Variants in STARD9 observed in about 807,000 individuals in gnomAD.
STARD9 encodes the protein StAR related lipid transfer domain containing 9, also known as stAR-related lipid transfer protein 9.
STARD9 carries 346 observed loss-of-function variants against 399.8 expected under a neutral mutation model. The observed-to-expected ratio is 0.87, with a 90% CI of 0.79 to 0.95. The LOEUF (loss-of-function observed/expected upper bound fraction) is 0.95, where lower values mean the gene tolerates loss of function less well. STARD9 is among the 40% of genes least tolerant of loss of function. The probability of loss-of-function intolerance (pLI) is 0.00; values close to 1 mark genes in which losing one functional copy is unlikely to be tolerated. For missense variants in STARD9, 5,832 were observed against 5,667.5 expected, an observed-to-expected ratio of 1.03 and a Z score of -0.93; for synonymous variants, 2,203 against 2,143.5, an observed-to-expected ratio of 1.03 and a Z score of -0.77.
chr15:42,687,759 A>T lies in STARD9; in HGVS notation c.6181A>T (p.Ile2061Phe). ...GAGTGTAATGCAGCTGGAAAATGGC[A>T]TCTTAGAAATTGAATCTAAGCAGAA... ...IRSVMQLENG[I>F]LEIESKQNKQ... Residue 2061 changes from isoleucine (I) to phenylalanine (F), a missense_variant, in exon 23 of 33, where the codon ATC (isoleucine) becomes TTC (phenylalanine). Around this residue, in one of 2 missense-constraint regions of STARD9, gnomAD observed 5,828 missense variants for 5,651.1 expected, o/e 1.03. Transcript: ENST00000290607. 6.5e-7 allele frequency: 1 copy of T among 1,537,484 alleles called. No individual in the cohort carries two copies. The highest frequency in any genetic ancestry group is 8.7e-7 in the Non-Finnish European group (1 of 1,146,926).
intron 3 of STARD9, among the ~76,000 whole-genome samples, chr15:42,616,488 T>C (rs996576883): frequency 2.6e-5 from 4 of 152,204 alleles, no homozygotes; most frequent in African/African-American, 7.2e-5. Flanking sequence ...TCCTGATAAC[T>C]CTGCCAACAG....
At chr15:42,695,391 G>A (rs535156911) in intron 25 of STARD9, 68 bp downstream of exon 25, 1 of 1,387,908 alleles carries the variant, frequency 7.2e-7, no homozygotes, top group East Asian at 2.5e-5. Context: ...CCTTCACCGT[G>A]GCCGCCTCTG....
intron 1 of STARD9, among the ~76,000 whole-genome samples, chr15:42,581,721 C>T (rs1029866508): frequency 6.6e-6 from 1 of 152,114 alleles, no homozygotes; most frequent in Non-Finnish European, 1.5e-5. Context: ...ACCTACATAG[C>T]TTTTTTTGTT....
Position 42,690,716 on chromosome 15 carries a change from T to G in STARD9, c.9138T>G (p.Thr3046=). Residue 3046 remains threonine, a synonymous_variant, in exon 23 of 33, where the codon ACT becomes ACG. Coordinates refer to ENST00000290607, the MANE Select transcript of STARD9 (RefSeq NM_020759.3). ...AGAGCAGCACTTGTGAGCCTTCTAC[T>G]GTGGCTGCTGTCCTATCTCGAGCTC... ...LTESSTCEPS[T]VAAVLSRAQG... 6.5e-7 allele frequency: 1 copy of G among 1,537,274 alleles called. No homozygotes were observed. Among genetic ancestry groups the G allele is most frequent in the Non-Finnish European group, 8.7e-7 (1 of 1,146,906 alleles).
chr15:42,627,269 C>T (rs2059244799), intron 3 of STARD9, among the ~76,000 whole-genome samples: 1 of 152,050 alleles, frequency 6.6e-6, no homozygotes, highest in Non-Finnish European at 1.5e-5. Flanking sequence ...GTACTCTAGC[C>T]TGGGCAGCAG....
chr15:42,681,470 T>C lies in STARD9; in HGVS notation c.1923T>C (p.Asp641=), dbSNP rs766930451. 43 of 1,537,046 alleles carry C rather than the reference T, an allele frequency of 2.8e-5. No homozygotes were observed. Among genetic ancestry groups the C allele is most frequent in the Admixed American group, 5.9e-5 (3 of 50,972 alleles). ...ACGAGGACCATCAGACACCGAGGGA[T>C]GGAGAGACATCCCACAGGGCCCAGA... The part of the protein sequence containing the change: ...QCDEDHQTPR[D]GETSHRAQIQ... Residue 641 remains aspartate (D), a synonymous_variant, in exon 21 of 33, where the codon GAT becomes GAC. Coordinates refer to ENST00000290607, the MANE Select transcript of STARD9 (RefSeq NM_020759.3).
chr15:42,610,473 A>G (rs185606555), intron 3 of STARD9, among the ~76,000 whole-genome samples: 446 of 152,348 alleles, frequency 2.9e-3, no homozygotes, highest in African/African-American at 0.01. Flanking sequence ...AGCATAAGCC[A>G]GAAATAAACT....
chr15:42,702,925 T>A (rs1317141231), intron 26 of STARD9, among the ~76,000 whole-genome samples: 1 of 152,152 alleles, frequency 6.6e-6, no homozygotes, highest in Non-Finnish European at 1.5e-5. Flanking sequence ...CCTTTACTTG[T>A]TATTTGCTTG....
In STARD9 at chr15:42,675,715, C is replaced by T. The variant is rs1270855034; in HGVS notation, c.1739C>T (p.Ala580Val). ...KAQKFRFNHPAEAAVLRQRRQ... is the reference protein window; with the variant it reads ...KAQKFRFNHPVEAAVLRQRRQ... The stretch of plus-strand genomic sequence containing the variant: ...CAGAAGTTCCGATTCAACCACCCAG[C>T]AGAGGCTGCTGTCCTGCGGCAGCGA... Residue 580 changes from alanine to valine, a missense_variant, in exon 19 of 33, where the codon GCA becomes GTA. Coordinates refer to ENST00000290607, the MANE Select transcript of STARD9 (RefSeq NM_020759.3). The T allele has an allele frequency of 1.3e-6, 2 of 1,537,106 alleles. No individual in the cohort carries two copies. The highest frequency in any genetic ancestry group is 1.7e-6 in the Non-Finnish European group (2 of 1,146,880).
chr15:42,634,629 A>G (rs2059387069), intron 3 of STARD9, among the ~76,000 whole-genome samples: 1 of 152,234 alleles, frequency 6.6e-6, no homozygotes, highest in Non-Finnish European at 1.5e-5. Context: ...TTCAGAGTCT[A>G]GTATTGTGTC....
intron 3 of STARD9, among the ~76,000 whole-genome samples, chr15:42,624,675 A>G (rs977724259): frequency 6.6e-6 from 1 of 151,908 alleles, no homozygotes; most frequent in Non-Finnish European, 1.5e-5. Context: ...AAGCCTCCCA[A>G]GTAGCTGGGA....
chr15:42,618,377 C>A (rs973451765), intron 3 of STARD9, among the ~76,000 whole-genome samples: 9 of 152,066 alleles, frequency 5.9e-5, no homozygotes, highest in African/African-American at 2.2e-4. Flanking sequence ...AAGTGATCCT[C>A]CTGCTTCAGT....
chr15:42,689,463 G>T lies in STARD9; in HGVS notation c.7885G>T (p.Asp2629Tyr). The change falls in exon 23 of 33, where the codon GAT becomes TAT. Residue 2629 changes from aspartate (D) to tyrosine (Y), a missense_variant. By Grantham distance (160) the Asp-to-Tyr change is radical. Transcript: ENST00000290607. Reference protein sequence around the residue: ...ASLSAEAGQIDLLPDERKVQA... With the variant: ...ASLSAEAGQIYLLPDERKVQA... ...TCTATCTGCTGAAGCAGGGCAGATA[G>T]ATCTGTTACCTGATGAGAGGAAAGT... 6.5e-7 allele frequency: 1 copy of T among 1,537,336 alleles called. No homozygotes were observed. Among genetic ancestry groups the T allele is most frequent in the Non-Finnish European group, 8.7e-7 (1 of 1,146,942 alleles).
chr15:42,632,037 G>T (rs1056522403), intron 3 of STARD9, among the ~76,000 whole-genome samples: 17 of 152,224 alleles, frequency 1.1e-4, no homozygotes, highest in African/African-American at 4.1e-4. Flanking sequence ...TGAAAGTGGG[G>T]TGTTGAAGTC....
intron 3 of STARD9, among the ~76,000 whole-genome samples, chr15:42,627,631 C>G (rs1804962544): frequency 2.0e-5 from 3 of 152,186 alleles, no homozygotes; most frequent in Non-Finnish European, 4.4e-5. Context: ...AACCATCATT[C>G]TACTCTCTGT....
At chr15:42,630,284 T>C (rs965446191) in intron 3 of STARD9, 1 of 152,182 alleles carries the variant, frequency 6.6e-6, no homozygotes, top group Non-Finnish European at 1.5e-5. Flanking sequence ...ATTACAGGTA[T>C]GAACCACCAC....
chr15:42,601,542 C>T (rs1375280950), intron 3 of STARD9, among the ~76,000 whole-genome samples: 1 of 149,166 alleles, frequency 6.7e-6, no homozygotes, highest in Non-Finnish European at 1.5e-5. Flanking sequence ...GGCTGCCCCC[C>T]ACCTCCCGGA....
In STARD9 at chr15:42,690,042, C is replaced by G. The variant is rs772711783; in HGVS notation, c.8464C>G (p.Gln2822Glu). The stretch of plus-strand genomic sequence containing the variant: ...AAGTCAGTCTGTGACCTGTGATGTT[C>G]AGAATTCTACAAGTGCCTCAGGGCC... ...FESQSVTCDV[Q>E]NSTSASGPKQ... The change falls in exon 23 of 33, where the codon CAG (glutamine) becomes GAG (glutamate). Residue 2822 changes from glutamine (Q) to glutamate (E), a missense_variant. Coordinates refer to ENST00000290607, the MANE Select transcript of STARD9 (RefSeq NM_020759.3). 1 of 1,537,336 alleles carries G rather than the reference C, an allele frequency of 6.5e-7. No homozygotes were observed. Among genetic ancestry groups the G allele is most frequent in the Admixed American group, 2.0e-5 (1 of 50,980 alleles).
intron 3 of STARD9, among the ~76,000 whole-genome samples, chr15:42,612,977 A>AT (rs889236699): frequency 1.4e-4 from 18 of 129,430 alleles, no homozygotes; most frequent in African/African-American, 5.0e-4. Context: ...GAGCGAGACT[A>AT]TGTCTCAGAG....
Sources: allele counts gnomAD v4.1 joint callset (sites outside exome capture counted in the v4.1 genomes callset), GRCh38; gene constraint gnomAD v4.1.1; regional missense constraint gnomAD v4.1.1; transcripts MANE v1.5; gene names NCBI Gene and HGNC (gene_info 2026-07-23, HGNC 2026-07-21).